Variants in HTT observed in about 807,000 individuals in gnomAD.
The protein encoded by HTT is huntingtin, also known as huntington disease protein.
HTT carries 104 observed loss-of-function variants against 362.3 expected under a neutral mutation model. That is an observed-to-expected ratio of 0.29 (90% CI 0.24 to 0.34). The LOEUF is 0.34. HTT is among the 10% of genes least tolerant of loss of function. HTT has a pLI of 1.00. For synonymous variants in HTT, 1,577 were observed against 1,548.7 expected (o/e 1.02, Z -0.43); for missense variants, 3,301 against 3,928.6 (o/e 0.84, Z 4.27).
rs2110276131 is a variant in HTT at position 3,212,146 on chromosome 4, A to G, written c.6628+4A>G. 6.3e-7 allele frequency: 1 copy of G among 1,597,752 alleles called. No homozygotes were observed. Among genetic ancestry groups the G allele is most frequent in the South Asian group, 1.1e-5 (1 of 90,086 alleles). ...AGCAAGTTGAATGATCTGTTTGGTA[A>G]TTAAAATTAAAATTTATCTTATTTT... On this transcript the variant is annotated splice_donor_region_variant and intron_variant, in intron 48 of 66. Transcript: ENST00000355072.
chr4:3,226,793 G>A (rs944219480), intron 57 of HTT, among the ~76,000 whole-genome samples: 1 of 152,256 alleles, frequency 6.6e-6, no homozygotes, highest in Non-Finnish European at 1.5e-5. Flanking sequence ...TCACAAGCCT[G>A]TTTCTGTTCC....
At chr4:3,176,371 C>T (rs1438806087) in intron 33 of HTT, among the ~76,000 whole-genome samples, 5 of 152,264 alleles carry the variant, frequency 3.3e-5, no homozygotes, top group East Asian at 1.9e-4. Flanking sequence ...GTGGGCTTTG[C>T]GTTGGCCTGA....
chr4:3,174,166 C>G (rs1410866382), intron 31 of HTT, among the ~76,000 whole-genome samples: 1 of 151,982 alleles, frequency 6.6e-6, no homozygotes, highest in East Asian at 1.9e-4. Flanking sequence ...AGGAAAATAC[C>G]CATGTTCCAG....
chr4:3,209,747 C>G (rs1560594749), intron 46 of HTT, 80 bp from the exon 47 acceptor site: 7 of 1,569,856 alleles, frequency 4.5e-6, no homozygotes, highest in Non-Finnish European at 6.1e-6. Context: ...AAGCACTGGC[C>G]TAGGCCTGTA....
chr4:3,203,939 T>G, intron 41 of HTT, 68 bp from the exon 42 acceptor site: 1 of 1,468,720 alleles, frequency 6.8e-7, no homozygotes, highest in Non-Finnish European at 9.5e-7. Context: ...CATAATCATC[T>G]TCAGTATTTT....
intron 52 of HTT, among the ~76,000 whole-genome samples, chr4:3,219,282 C>T (rs368088781): frequency 1.2e-3 from 176 of 152,166 alleles, no homozygotes; most frequent in Middle Eastern, 6.8e-3. Flanking sequence ...TGGAGGGGCT[C>T]GTGGAGACCA....
At chr4:3,086,839 A>G (rs1008305664) in intron 1 of HTT, 100 bp from the exon 2 acceptor site, 9 of 671,098 alleles carry the variant, frequency 1.3e-5, no homozygotes, top group African/African-American at 3.6e-5. Flanking sequence ...GTTTATTCAT[A>G]GTAGTCGAGA....
intron 2 of HTT, among the ~76,000 whole-genome samples, chr4:3,089,477 T>A (rs2110144628): frequency 6.6e-6 from 1 of 152,274 alleles, no homozygotes; most frequent in Non-Finnish European, 1.5e-5. Flanking sequence ...ATGGTCTTGA[T>A]CTCCTGACCT....
intron 45 of HTT, among the ~76,000 whole-genome samples, chr4:3,207,783 C>A (rs993642617): frequency 3.1e-4 from 47 of 152,184 alleles, no homozygotes; most frequent in Non-Finnish European, 6.0e-4. Context: ...CATCCTGTTG[C>A]CATTTTATGT....
chr4:3,196,538 G>T (rs981968587), intron 40 of HTT, among the ~76,000 whole-genome samples: 2 of 152,144 alleles, frequency 1.3e-5, no homozygotes, highest in East Asian at 1.9e-4. Flanking sequence ...AGGAGTTTGA[G>T]ATTAGCCTGA....
chr4:3,213,507 T>C (rs934472536), intron 49 of HTT, among the ~76,000 whole-genome samples: 1 of 152,204 alleles, frequency 6.6e-6, no homozygotes, highest in Non-Finnish European at 1.5e-5. Flanking sequence ...AAGCAAGGCT[T>C]AGAGAATTTC....
At chr4:3,137,957 A>G (rs570352118) in intron 21 of HTT, among the ~76,000 whole-genome samples, 1 of 152,286 alleles carries the variant, frequency 6.6e-6, no homozygotes, top group South Asian at 2.1e-4. Context: ...TTTGCCTGCA[A>G]GATTTTGTGT....
intron 29 of HTT, among the ~76,000 whole-genome samples, chr4:3,170,951 A>C (rs1034087379): frequency 6.6e-6 from 1 of 152,158 alleles, no homozygotes; most frequent in African/African-American, 2.4e-5. Context: ...GTTCCCTGGT[A>C]CTTGGGGAGC....
intron 60 of HTT, among the ~76,000 whole-genome samples, chr4:3,231,351 C>T (rs1429000864): frequency 2.0e-5 from 3 of 151,718 alleles, no homozygotes; most frequent in South Asian, 4.1e-4. Flanking sequence ...TTTTTTTTGC[C>T]ATCACTCCAG....
At chr4:3,094,421 G>A (rs1261752157) in intron 2 of HTT, among the ~76,000 whole-genome samples, 1 of 152,262 alleles carries the variant, frequency 6.6e-6, no homozygotes, top group South Asian at 2.1e-4. Flanking sequence ...TTCTCAATGA[G>A]CTATTGGGTA....
Position 3,089,315 on chromosome 4 carries a change from G to A in HTT, c.347+2293G>A, listed in dbSNP as rs901126061. On this transcript the variant is annotated intron_variant, in intron 2 of 66. Transcript: ENST00000355072. ...GTTGCCCAGGCTAGAGTGCAGTGGT[G>A]CAATCTCAGCTCACTGCAAGCTCCA... Among the ~76,000 whole-genome samples, 4 of 151,946 alleles carry A rather than the reference G, an allele frequency of 2.6e-5. No individual in the cohort carries two copies. In the East Asian group the frequency reaches 5.8e-4, roughly 22 times the overall value.
intron 34 of HTT, among the ~76,000 whole-genome samples, chr4:3,177,667 C>T (rs949824224): frequency 1.2e-4 from 18 of 152,166 alleles, no homozygotes; most frequent in African/African-American, 4.3e-4. Context: ...GGAATGAAAT[C>T]TTGTGGTGGA....
intron 37 of HTT, among the ~76,000 whole-genome samples, chr4:3,182,862 A>G (rs1718589233): frequency 6.6e-6 from 1 of 152,068 alleles, no homozygotes; most frequent in Admixed American, 6.6e-5. Context: ...TACTGCTTGT[A>G]ATTTAGCAGT....
Position 3,229,846 on chromosome 4 carries a change from C to T in HTT, c.8110-41C>T, listed in dbSNP as rs78026938. The T allele has an allele frequency of 4.8e-5, 77 of 1,607,458 alleles. No individual in the cohort carries two copies. The East Asian group carries it at 5.6e-4, about 12-fold the overall frequency. On this transcript the variant is annotated intron_variant, in intron 59 of 66. Coordinates refer to ENST00000355072, the MANE Select transcript of HTT (RefSeq NM_001388492.1). ...GGATGCGTTGCCTGGATTCTAACAG[C>T]GCGATTCTCCCCTTGCCCTCCTGGT...
Sources: allele counts gnomAD v4.1 joint callset (sites outside exome capture counted in the v4.1 genomes callset), GRCh38; gene constraint gnomAD v4.1.1; transcripts MANE v1.5; gene names NCBI Gene and HGNC (gene_info 2026-07-23, HGNC 2026-07-21).